The following ASCC3 variants were observed in gnomAD, a reference collection of about 807,000 sequenced individuals.
ASCC3 encodes ASC-1 complex subunit P200.
ASCC3 carries 158 observed loss-of-function variants against 256.3 expected under a neutral mutation model. That is an observed-to-expected ratio of 0.62 (90% CI 0.54 to 0.70). The LOEUF (loss-of-function observed/expected upper bound fraction) is 0.70, where lower values mean the gene tolerates loss of function less well. ASCC3 is among the 30% of genes least tolerant of loss of function. The pLI, the probability that ASCC3 is intolerant of heterozygous loss-of-function variation, is 0.00. For missense variants in ASCC3, 2,259 were observed against 2,626.0 expected (o/e 0.86, Z 3.05); for synonymous variants, 948 against 883.4 (o/e 1.07, Z -1.30).
chr6:100,638,903 T>C (rs1346850498), intron 24 of ASCC3, 82 bp from the exon 25 acceptor site: 7 of 1,123,366 alleles, frequency 6.2e-6, no homozygotes, highest in Admixed American at 3.5e-5. Context: ...TAATAGATTA[T>C]AGTAATCCTT....
chr6:100,733,548 G>C (rs997445909), intron 10 of ASCC3, among the ~76,000 whole-genome samples: 1 of 152,040 alleles, frequency 6.6e-6, no homozygotes, highest in East Asian at 1.9e-4. Context: ...ATCAGACGCC[G>C]ATGCCCAATC....
intron 4 of ASCC3, among the ~76,000 whole-genome samples, chr6:100,821,456 T>G (rs143069029): frequency 6.6e-6 from 1 of 152,136 alleles, no homozygotes; most frequent in Non-Finnish European, 1.5e-5. Flanking sequence ...GAAACCCAAA[T>G]GTTCATCAAA....
intron 13 of ASCC3, among the ~76,000 whole-genome samples, chr6:100,697,697 CATACCTAGG>C (rs1778158946): frequency 6.6e-6 from 1 of 152,036 alleles, no homozygotes; most frequent in Non-Finnish European, 1.5e-5. Flanking sequence ...TGCATACTTA[CATACCTAGG>C]ATATCCAATT....
At chr6:100,532,237 T>C (rs903442054) in intron 37 of ASCC3, among the ~76,000 whole-genome samples, 6 of 151,102 alleles carry the variant, frequency 4.0e-5, no homozygotes, top group African/African-American at 1.5e-4. Flanking sequence ...CAAACAAGCA[T>C]ACACGATGCA....
rs991381944 is a variant in ASCC3 at position 100,530,254 on chromosome 6, G to A, written c.5775+9909C>T. The A allele has an allele frequency of 6.2e-6, 6 of 970,230 alleles. No individual in the cohort carries two copies. In the African/African-American group the frequency reaches 9.7e-5, roughly 16 times the overall value. The allele number at this position is 970,230 out of a possible 1,614,324, so 60.1% of individuals were successfully genotyped here. On this transcript the variant is annotated intron_variant, in intron 37 of 41. Transcript: ENST00000369162. ...TTCGCTCAGAGCCACAGGAGGAGGG[G>A]AGAGGCCTGGAGGACACCAACATGA...
At chr6:100,864,743 CTA>C (rs1773400584) in intron 2 of ASCC3, among the ~76,000 whole-genome samples, 1 of 152,126 alleles carries the variant, frequency 6.6e-6, no homozygotes, top group Non-Finnish European at 1.5e-5. Context: ...AGATTCTTTT[CTA>C]TACACACTCT....
At chr6:100,634,875 AAAAAAAAG>A (rs773461662) in intron 25 of ASCC3, among the ~76,000 whole-genome samples, 1,623 of 122,596 alleles carry the variant, frequency 0.013, 9 homozygotes, top group Non-Finnish European at 0.024. Context: ...AAAAAAAAAA[AAAAAAAAG>A]AAAAGAAAAA....
chr6:100,670,880 G>A (rs1021365024), intron 14 of ASCC3, among the ~76,000 whole-genome samples: 1 of 151,938 alleles, frequency 6.6e-6, no homozygotes, highest in East Asian at 1.9e-4. Context: ...CTGCAGCATT[G>A]TTAACAATAA....
intron 39 of ASCC3, among the ~76,000 whole-genome samples, chr6:100,514,800 C>A (rs1342598435): frequency 6.6e-6 from 1 of 152,164 alleles, no homozygotes; most frequent in Non-Finnish European, 1.5e-5. Context: ...CCGTTCCAGG[C>A]ATACTGATGG....
rs200821241 is a variant in ASCC3, at chr6:100,517,986, A to G, written c.5927+5T>C. The G allele has an allele frequency of 2.2e-5, 36 of 1,612,528 alleles. No homozygotes were observed. The highest frequency in any genetic ancestry group is 1.7e-4 in the Middle Eastern group (1 of 6,014). On this transcript the variant is annotated splice_donor_5th_base_variant and intron_variant, in intron 38 of 41. Coordinates refer to ENST00000369162, the MANE Select transcript of ASCC3 (RefSeq NM_006828.4). ...AACAATTACATTGAAAAGTAAAACA[A>G]TTACTTGAAAAGGTGAAGATGATGG... is the stretch of plus-strand genomic sequence containing the variant.
chr6:100,525,202 A>AAGAAAAG (rs1484624105), intron 37 of ASCC3, among the ~76,000 whole-genome samples: 17 of 150,848 alleles, frequency 1.1e-4, no homozygotes, highest in Non-Finnish European at 8.9e-5. Flanking sequence ...GAAAAAGAAA[A>AAGAAAAG]AGAAAAGAGA....
At chr6:100,605,729 T>A (rs1562158307) in intron 32 of ASCC3, 29 bp from the exon 33 acceptor site, 1 of 1,610,870 alleles carries the variant, frequency 6.2e-7, no homozygotes, top group Non-Finnish European at 8.5e-7. Flanking sequence ...AGAGATATTC[T>A]ACAATGTGGC....
In ASCC3 at chr6:100,656,782, A is replaced by T. The variant is rs1286127855; in HGVS notation, c.2704-964T>A. Among the ~76,000 whole-genome samples, 3 of 151,156 alleles carry T rather than the reference A, an allele frequency of 2.0e-5. No homozygotes were observed. In the East Asian group the frequency reaches 5.8e-4, roughly 29 times the overall value. ...ATAGGTAGTAATTTTATTTTTACTT[A>T]AGGTACTTATTTTACTTTAAAAATT... On this transcript the variant is annotated intron_variant, in intron 16 of 41. Coordinates refer to ENST00000369162, the MANE Select transcript of ASCC3 (RefSeq NM_006828.4).
intron 36 of ASCC3, among the ~76,000 whole-genome samples, chr6:100,580,651 A>G (rs562540747): frequency 1.3e-5 from 2 of 152,052 alleles, no homozygotes; most frequent in Admixed American, 1.3e-4. Context: ...TTACATATGT[A>G]TACATGTGCC....
At chr6:100,759,289 C>T (rs182522223) in intron 10 of ASCC3, among the ~76,000 whole-genome samples, 79 of 152,160 alleles carry the variant, frequency 5.2e-4, no homozygotes, top group Non-Finnish European at 2.1e-4. Context: ...TTGCTTTTGG[C>T]ATTTTCATCA....
intron 1 of ASCC3, among the ~76,000 whole-genome samples, chr6:100,877,404 T>C (rs559876506): frequency 2.0e-5 from 3 of 152,270 alleles, no homozygotes; most frequent in South Asian, 2.1e-4. Flanking sequence ...AGTGAATAAA[T>C]ATTAAACAGT....
chr6:100,822,751 G>A (rs1771115006), intron 4 of ASCC3, among the ~76,000 whole-genome samples: 1 of 152,014 alleles, frequency 6.6e-6, no homozygotes, highest in South Asian at 2.1e-4. Context: ...TCTATATACA[G>A]CATGAACTGT....
At chr6:100,742,089 T>C (rs1461032755) in intron 10 of ASCC3, among the ~76,000 whole-genome samples, 1 of 151,486 alleles carries the variant, frequency 6.6e-6, no homozygotes, top group East Asian at 1.9e-4. Flanking sequence ...TTCTGTTTGT[T>C]TTTCTCTTAA....
At chr6:100,691,966 C>A (rs948044549) in intron 13 of ASCC3, among the ~76,000 whole-genome samples, 2 of 151,420 alleles carry the variant, frequency 1.3e-5, no homozygotes, top group Non-Finnish European at 2.9e-5. Flanking sequence ...GAACAACAAA[C>A]AATAATTACA....
Sources: allele counts gnomAD v4.1 joint callset (sites outside exome capture counted in the v4.1 genomes callset), GRCh38; gene constraint gnomAD v4.1.1; transcripts MANE v1.5; gene names NCBI Gene and HGNC (gene_info 2026-07-23, HGNC 2026-07-21).